The following ROR1 variants were observed in gnomAD, a reference collection of about 807,000 sequenced individuals.
The protein encoded by ROR1 is inactive tyrosine-protein kinase transmembrane receptor ROR1.
Under a neutral mutation model 78.8 loss-of-function variants are expected in ROR1, and 19 were observed. That is an observed-to-expected ratio of 0.24 (90% CI 0.17 to 0.35). The LOEUF (loss-of-function observed/expected upper bound fraction) is 0.35. ROR1 is among the 10% of genes least tolerant of loss of function. ROR1 has a pLI of 1.00. For missense variants in ROR1, 917 were observed against 1,177.8 expected, an observed-to-expected ratio of 0.78 and a Z score of 3.24; for synonymous variants, 386 against 433.6, an observed-to-expected ratio of 0.89 and a Z score of 1.36.
At chr1:63,851,042 C>T (rs1035511850) in intron 1 of ROR1, among the ~76,000 whole-genome samples, 31 of 152,286 alleles carry the variant, frequency 2.0e-4, no homozygotes, top group African/African-American at 5.1e-4. Flanking sequence ...TGCAGTGGCA[C>T]GATCTAGGCT....
At chr1:64,042,461 G>C (rs948386715) in intron 2 of ROR1, among the ~76,000 whole-genome samples, 57 of 152,206 alleles carry the variant, frequency 3.7e-4, no homozygotes, top group African/African-American at 1.3e-3. Flanking sequence ...TCTAGCTCCA[G>C]AGCCCATGCT....
intron 1 of ROR1, among the ~76,000 whole-genome samples, chr1:63,807,192 G>A (rs1386997489): frequency 6.6e-6 from 1 of 152,208 alleles, no homozygotes; most frequent in Non-Finnish European, 1.5e-5. Context: ...GCTAATCTCT[G>A]CCCTTCTGCC....
intron 1 of ROR1, among the ~76,000 whole-genome samples, chr1:63,902,073 T>C (rs754817158): frequency 4.6e-5 from 7 of 152,204 alleles, no homozygotes; most frequent in Non-Finnish European, 8.8e-5. Context: ...ATTTAAGTTA[T>C]ATTTTCGATG....
intron 1 of ROR1, among the ~76,000 whole-genome samples, chr1:63,950,890 C>G (rs1645929785): frequency 6.6e-6 from 1 of 152,154 alleles, no homozygotes; most frequent in Non-Finnish European, 1.5e-5. Flanking sequence ...TTCATCAAAG[C>G]TATACACCTA....
At chr1:64,141,648 A>G (rs1649317316) in intron 6 of ROR1, among the ~76,000 whole-genome samples, 1 of 152,204 alleles carries the variant, frequency 6.6e-6, no homozygotes, top group Admixed American at 6.5e-5. Context: ...ATTTCAGTGT[A>G]CATTTCCCTT....
intron 2 of ROR1, among the ~76,000 whole-genome samples, chr1:64,024,503 A>AAAACAAG (rs1354481245): frequency 6.6e-6 from 1 of 152,142 alleles, no homozygotes; most frequent in Non-Finnish European, 1.5e-5. Context: ...CAAAAAACAA[A>AAAACAAG]AAAAACAAAA....
intron 7 of ROR1, chr1:64,143,296 G>A: frequency 1.0e-6 from 1 of 963,794 alleles, no homozygotes; most frequent in Non-Finnish European, 1.2e-6. Context: ...CGAGGCAGGA[G>A]GATCATTTGA....
chr1:63,903,981 A>T (rs1203746609), intron 1 of ROR1, among the ~76,000 whole-genome samples: 1 of 152,154 alleles, frequency 6.6e-6, no homozygotes, highest in African/African-American at 2.4e-5. Context: ...AGGAGGCTGC[A>T]TTTGAGCAGA....
chr1:64,126,071 G>A (rs552266807), intron 4 of ROR1, among the ~76,000 whole-genome samples: 3 of 152,172 alleles, frequency 2.0e-5, no homozygotes, highest in African/African-American at 7.2e-5. Context: ...TTTCAGGAAA[G>A]CATCTTAAAG....
At chr1:63,953,180 T>A (rs903232239) in intron 1 of ROR1, among the ~76,000 whole-genome samples, 2 of 152,178 alleles carry the variant, frequency 1.3e-5, no homozygotes, top group African/African-American at 4.8e-5. Flanking sequence ...AACTTGTATA[T>A]TCCTGTGTTC....
chr1:64,001,666 C>G (rs1198275281), intron 1 of ROR1, among the ~76,000 whole-genome samples: 4 of 152,138 alleles, frequency 2.6e-5, no homozygotes, highest in Non-Finnish European at 4.4e-5. Context: ...CTAGCAGCTT[C>G]TCTGGACTGT....
chr1:64,097,925 A>G (rs1052129696), intron 4 of ROR1, among the ~76,000 whole-genome samples: 9 of 152,114 alleles, frequency 5.9e-5, no homozygotes, highest in Admixed American at 5.2e-4. Context: ...CTGAATAGTA[A>G]GTGCTAGTCC....
At chr1:64,171,467 C>G (rs1169020453) in intron 8 of ROR1, among the ~76,000 whole-genome samples, 5 of 152,166 alleles carry the variant, frequency 3.3e-5, no homozygotes, top group African/African-American at 4.8e-5. Context: ...GGGACACAGC[C>G]AAACCATATC....
chr1:63,968,646 C>T (rs1646095288), intron 1 of ROR1, among the ~76,000 whole-genome samples: 1 of 152,116 alleles, frequency 6.6e-6, no homozygotes, highest in Admixed American at 6.5e-5. Flanking sequence ...CTATTCTGCC[C>T]CCGAGTTTAT....
intron 1 of ROR1, among the ~76,000 whole-genome samples, chr1:63,860,588 C>CACACACACACACACAT (rs1553138053): frequency 5.8e-4 from 84 of 145,534 alleles, no homozygotes; most frequent in African/African-American, 2.0e-3. Flanking sequence ...CACACACACA[C>CACACACACACACACAT]ACACACACAC....
At chr1:64,102,257 T>A (rs545530020) in intron 4 of ROR1, among the ~76,000 whole-genome samples, 1 of 152,328 alleles carries the variant, frequency 6.6e-6, no homozygotes, top group South Asian at 2.1e-4. Flanking sequence ...GAATCAGATC[T>A]GTTTGTGCGG....
rs1323950580 is a variant in ROR1, at chr1:64,029,105, T to A, written c.163+19729T>A. 5 of 152,266 alleles carry A rather than the reference T, an allele frequency of 3.3e-5. No homozygotes were observed. The East Asian group carries it at 9.6e-4, about 29-fold the overall frequency. The allele number at this position is 152,266 out of a possible 1,614,324, so 9.4% of individuals were successfully genotyped here. A position where few individuals can be genotyped will look rare whatever the true frequency, so the allele number is the denominator to read the frequency against. On this transcript the variant is annotated intron_variant, in intron 2 of 8. Coordinates refer to ENST00000371079, the MANE Select transcript of ROR1 (RefSeq NM_005012.4). ...ATCATTAATTATCGTATATTTATATTAATAAAAATAATATTTGTTAACATT... is the reference window on the plus strand; with the variant it reads ...ATCATTAATTATCGTATATTTATATAAATAAAAATAATATTTGTTAACATT...
chr1:63,840,543 A>G (rs1645043675), intron 1 of ROR1, among the ~76,000 whole-genome samples: 1 of 152,042 alleles, frequency 6.6e-6, no homozygotes, highest in Admixed American at 6.5e-5. Context: ...TGGCATCCCA[A>G]AGTGCTGGGA....
intron 6 of ROR1, among the ~76,000 whole-genome samples, chr1:64,140,977 C>T (rs765367201): frequency 3.3e-5 from 5 of 152,050 alleles, no homozygotes; most frequent in Non-Finnish European, 7.4e-5. Context: ...ATGAAATTTC[C>T]AGAATAGATA....
Sources: gnomAD v4.1 joint callset for allele counts (sites outside exome capture counted in the v4.1 genomes callset) on GRCh38, gnomAD v4.1.1 for gene constraint, MANE v1.5 for transcripts, NCBI Gene and HGNC (gene_info 2026-07-23, HGNC 2026-07-21) for gene names.